The following MRPS10 variants were observed in gnomAD, a reference collection of about 807,000 sequenced individuals.
MRPS10 encodes mitochondrial ribosomal protein S10.
In MRPS10, 23 loss-of-function variants were observed where a neutral mutation model predicts 27.5. The ratio of observed to expected loss-of-function variants is 0.84; its 90% confidence interval spans 0.60 to 1.18. The LOEUF (loss-of-function observed/expected upper bound fraction) is 1.18, where lower values mean the gene tolerates loss of function less well. Ranked by LOEUF, MRPS10 falls within the 50% of genes most tolerant of loss-of-function variation. The pLI is 0.00. For missense variants in MRPS10, 237 were observed against 240.1 expected (o/e 0.99, Z 0.09); for synonymous variants, 88 against 84.2 (o/e 1.04, Z -0.25).
chr6:42,215,610 A>G lies in MRPS10; in HGVS notation c.49-1266T>C, dbSNP rs796181708. 2.6e-5 allele frequency among the ~76,000 whole-genome samples: 4 copies of G among 152,182 alleles called. No individual in the cohort carries two copies. The South Asian group carries it at 8.3e-4, about 32-fold the overall frequency. ...CCCAGCTAATATTTTGTACTTTTGT[A>G]GAGATGGGGTTTCACCATATTTCCC... On this transcript the variant is annotated intron_variant, in intron 1 of 6. Transcript: ENST00000053468.
At chr6:42,211,249 A>G (rs76723142) in intron 4 of MRPS10, among the ~76,000 whole-genome samples, 253 of 152,364 alleles carry the variant, frequency 1.7e-3, no homozygotes, top group Admixed American at 5.4e-3. Context: ...CAAAGGGTCT[A>G]AAACGATTGT....
Position 42,208,907 on chromosome 6 carries a change from T to C in MRPS10, c.473A>G (p.Glu158Gly), listed in dbSNP as rs781631455. The C allele has an allele frequency of 2.7e-5, 44 of 1,612,292 alleles. No homozygotes were observed. Among genetic ancestry groups the C allele is most frequent in the Non-Finnish European group, 3.6e-5 (42 of 1,178,806 alleles). The change falls in exon 6 of 7, where the codon GAA becomes GGA. Residue 158 changes from glutamate to glycine, a missense_variant. By Grantham distance (98) the Glu-to-Gly change is moderately conservative (BLOSUM62 -2). Transcript: ENST00000053468. Reference protein sequence around the residue: ...LTGSTADVYLEYIQRNLPEGV... With the variant: ...LTGSTADVYLGYIQRNLPEGV... ...TTCAGGTAAGTTTCGCTGAATATAT[T>C]CCAAGTAGACATCTGCTGTGCTTCC...
chr6:42,210,712 C>T, intron 4 of MRPS10, 116 bp from the exon 5 acceptor site: 3 of 1,405,772 alleles, frequency 2.1e-6, no homozygotes, highest in Admixed American at 2.8e-5. Flanking sequence ...TTACAGACTT[C>T]CATTTGCCAA....
rs753696085 is a variant in MRPS10 at position 42,214,326 on chromosome 6, C to G, written c.67G>C (p.Val23Leu). The G allele has an allele frequency of 3.7e-6, 6 of 1,609,282 alleles. No homozygotes were observed. Among genetic ancestry groups the G allele is most frequent in the East Asian group, 2.2e-5 (1 of 44,684 alleles). The change falls in exon 2 of 7, where the codon GTA (valine) becomes CTA (leucine). Residue 23 changes from valine (V) to leucine (L), a missense_variant. Physicochemically the swap from Val to Leu is conservative, Grantham distance 32. Around this residue, in one of 3 missense-constraint regions of MRPS10, gnomAD observed 164 missense variants for 137.8 expected, o/e 1.19. Coordinates refer to ENST00000053468, the MANE Select transcript of MRPS10 (RefSeq NM_018141.4). ...GCTGTATTGCCCTTAGAAGTGTTTA[C>G]AGAAAAATTCCCCAATCCCTAAAGA... ...RLWQGLGNFSVNTSKGNTAKN... is the reference protein window; with the variant it reads ...RLWQGLGNFSLNTSKGNTAKN...
chr6:42,215,197 T>G (rs1369159836), intron 1 of MRPS10, among the ~76,000 whole-genome samples: 1 of 151,796 alleles, frequency 6.6e-6, no homozygotes, highest in South Asian at 2.1e-4. Flanking sequence ...CAGAGCAGCC[T>G]GGCCAACATG....
chr6:42,208,499 G>T, intron 6 of MRPS10, 127 bp from the exon 7 acceptor site: 1 of 750,578 alleles, frequency 1.3e-6, no homozygotes, highest in Non-Finnish European at 2.2e-6. Flanking sequence ...CTTTCTATAG[G>T]GTTTTGAAAT....
chr6:42,209,162 T>A (rs936303176), intron 5 of MRPS10, among the ~76,000 whole-genome samples: 7 of 148,922 alleles, frequency 4.7e-5, no homozygotes, highest in African/African-American at 1.8e-4. Context: ...GTCCAGCTAA[T>A]TTTTTTTGTA....
At chr6:42,215,745 T>A (rs1768906389) in intron 1 of MRPS10, among the ~76,000 whole-genome samples, 1 of 152,194 alleles carries the variant, frequency 6.6e-6, no homozygotes, top group Non-Finnish European at 1.5e-5. Flanking sequence ...AGCCTATTCT[T>A]AGCTTATTGT....
At position 42,207,067 on chromosome 6, in the gene MRPS10, C is replaced by T. The variant is rs1582343922; in HGVS notation, c.*1222G>A. The T allele has an allele frequency of 1.3e-5, 2 of 152,268 alleles. No homozygotes were observed. Among genetic ancestry groups the T allele is most frequent in the African/African-American group, 4.8e-5 (2 of 41,558 alleles). 9.4% of individuals were successfully genotyped at this position (152,268 alleles called of 1,614,324 possible). On this transcript the variant is annotated 3_prime_UTR_variant, in exon 7 of 7. Transcript: ENST00000053468. ...GGTTGCTATACCAACTGTTTCAGCC[C>T]ATTGTAGTCTTGCCTCTTTCAGGGC...
intron 5 of MRPS10, among the ~76,000 whole-genome samples, chr6:42,209,199 T>C (rs1211663543): frequency 9.0e-6 from 1 of 111,314 alleles, no homozygotes; most frequent in Non-Finnish European, 2.1e-5. Context: ...GGTTTCATCA[T>C]GTTGGCCAGG....
At chr6:42,214,021 T>C (rs1768850473) in intron 3 of MRPS10, 99 bp downstream of exon 3, 4 of 971,042 alleles carry the variant, frequency 4.1e-6, no homozygotes, top group Non-Finnish European at 6.1e-6. Context: ...ACAAAATTTT[T>C]TTATTCATAG....
At position 42,217,834 on chromosome 6, in the gene MRPS10, C is replaced by T. The variant is rs374676582; in HGVS notation, c.16G>A (p.Ala6Thr). Residue 6 changes from alanine (A) to threonine (T), a missense_variant, in exon 1 of 7, where the codon GCG (alanine) becomes ACG (threonine). Ala to Thr is a moderately conservative substitution (Grantham distance 58). Around this residue, in one of 3 missense-constraint regions of MRPS10, gnomAD observed 164 missense variants for 137.8 expected, o/e 1.19. Transcript: ENST00000053468. ...AGGCGCCGGCACACAGCACCGAACGCTGTCCGCGCCGCCATCTTGCCGGTC... is the reference window on the plus strand; with the variant it reads ...AGGCGCCGGCACACAGCACCGAACGTTGTCCGCGCCGCCATCTTGCCGGTC... MAART[A>T]FGAVCRRLWQ... 5.6e-6 allele frequency: 9 copies of T among 1,614,038 alleles called. No individual in the cohort carries two copies. The African/African-American group carries it at 1.2e-4, about 22-fold the overall frequency.
chr6:42,213,628 A>C (rs1768843007), intron 3 of MRPS10, among the ~76,000 whole-genome samples: 1 of 152,186 alleles, frequency 6.6e-6, no homozygotes, highest in East Asian at 1.9e-4. Flanking sequence ...TAAAAATTAC[A>C]AGTAACACAA....
intron 5 of MRPS10, among the ~76,000 whole-genome samples, chr6:42,210,156 A>G (rs1456843380): frequency 6.6e-6 from 1 of 152,252 alleles, no homozygotes; most frequent in Non-Finnish European, 1.5e-5. Flanking sequence ...CATCACTGAC[A>G]TGGAAAATCC....
intron 4 of MRPS10, among the ~76,000 whole-genome samples, chr6:42,210,873 C>A (rs530129474): frequency 6.6e-6 from 1 of 152,236 alleles, no homozygotes; most frequent in Non-Finnish European, 1.5e-5. Flanking sequence ...CTTTTACACC[C>A]TTTAGTCTTT....
At chr6:42,213,127 T>G (rs761220627) in intron 3 of MRPS10, among the ~76,000 whole-genome samples, 2 of 152,202 alleles carry the variant, frequency 1.3e-5, no homozygotes, top group Non-Finnish European at 2.9e-5. Context: ...AGTTGCAGAC[T>G]GGGGCTTAAA....
chr6:42,214,045 A>G, intron 3 of MRPS10, 75 bp downstream of exon 3: 1 of 1,334,198 alleles, frequency 7.5e-7, no homozygotes, highest in African/African-American at 1.5e-5. Context: ...GTTTGGGGAA[A>G]AAAAACCCAA....
rs536372490 is a variant in MRPS10, at chr6:42,214,153, G to A, written c.153C>T (p.His51=). Residue 51 remains histidine (H), a synonymous_variant, in exon 3 of 7, where the codon CAC becomes CAT. Transcript: ENST00000053468. ...TGGTCAAATCCTTTGGAACATCAACGTGTAGGTTTGAAAACTGTACCCACT... is the reference window on the plus strand; with the variant it reads ...TGGTCAAATCCTTTGGAACATCAACATGTAGGTTTGAAAACTGTACCCACT... ...NMKWVQFSNL[H]VDVPKDLTKP... 7.4e-6 allele frequency: 12 copies of A among 1,612,992 alleles called. No homozygotes were observed. The highest frequency in any genetic ancestry group is 1.7e-4 in the Middle Eastern group (1 of 5,872).
At chr6:42,212,070 TACTTTCATG>T (rs1768797200) in intron 3 of MRPS10, among the ~76,000 whole-genome samples, 153 bp from the exon 4 acceptor site, 1 of 152,260 alleles carries the variant, frequency 6.6e-6, no homozygotes, top group African/African-American at 2.4e-5. Flanking sequence ...AGTGTCTAGA[TACTTTCATG>T]TTCAGATCTG....
Sources: allele counts gnomAD v4.1 joint callset (sites outside exome capture counted in the v4.1 genomes callset), GRCh38; gene constraint gnomAD v4.1.1; regional missense constraint gnomAD v4.1.1; transcripts MANE v1.5; gene names NCBI Gene and HGNC (gene_info 2026-07-23, HGNC 2026-07-21).